DYNC1I1: variants seen among roughly 807,000 people sequenced by gnomAD.
DYNC1I1 encodes cytoplasmic dynein 1 intermediate chain 1.
Under a neutral mutation model 86.6 loss-of-function variants are expected in DYNC1I1, and 43 were observed. The observed-to-expected ratio is 0.50, with a 90% CI of 0.39 to 0.64. DYNC1I1 has a LOEUF of 0.64. Among genes scored for constraint, DYNC1I1 ranks in the 30% least tolerant of loss-of-function variants. The pLI is 0.00. For synonymous variants in DYNC1I1, 262 were observed against 283.7 expected, an observed-to-expected ratio of 0.92 and a Z score of 0.77; for missense variants, 604 against 788.8, an observed-to-expected ratio of 0.77 and a Z score of 2.81.
chr7:95,804,875 G>A (rs1429568267), intron 2 of DYNC1I1, 38 bp downstream of exon 2: 1 of 1,533,968 alleles, frequency 6.5e-7, no homozygotes, highest in Non-Finnish European at 8.8e-7. Flanking sequence ...GGGGAAAAAG[G>A]AAAATCACTT....
intron 6 of DYNC1I1, among the ~76,000 whole-genome samples, chr7:95,923,263 A>G (rs979510303): frequency 7.9e-5 from 12 of 152,128 alleles, no homozygotes; most frequent in Non-Finnish European, 1.6e-4. Context: ...TTTGACCAGG[A>G]TAAGGTAGGA....
chr7:95,809,110 G>T (rs1794769650), intron 2 of DYNC1I1, among the ~76,000 whole-genome samples: 1 of 152,092 alleles, frequency 6.6e-6, no homozygotes, highest in Admixed American at 6.6e-5. Context: ...CTTTCAAATG[G>T]TAGTTTTCCC....
intron 6 of DYNC1I1, among the ~76,000 whole-genome samples, chr7:95,919,343 T>G (rs2116370996): frequency 6.6e-6 from 1 of 152,336 alleles, no homozygotes; most frequent in East Asian, 1.9e-4. Flanking sequence ...GCTAGAAATA[T>G]GCTATGCTAA....
chr7:95,963,735 T>C (rs2116516721), intron 6 of DYNC1I1, among the ~76,000 whole-genome samples: 1 of 152,326 alleles, frequency 6.6e-6, no homozygotes, highest in African/African-American at 2.4e-5. Flanking sequence ...GGTGAAATGC[T>C]GCTCAGTTTA....
intron 2 of DYNC1I1, among the ~76,000 whole-genome samples, chr7:95,809,062 G>C (rs1794767842): frequency 6.6e-6 from 1 of 152,160 alleles, no homozygotes; most frequent in South Asian, 2.1e-4. Flanking sequence ...GGGTTATGCA[G>C]AGTGTCTGAC....
chr7:95,932,338 A>G (rs912698089), intron 6 of DYNC1I1, among the ~76,000 whole-genome samples: 4 of 152,202 alleles, frequency 2.6e-5, no homozygotes, highest in Non-Finnish European at 1.5e-5. Context: ...AATTAATGTG[A>G]TAATCATGGC....
intron 6 of DYNC1I1, among the ~76,000 whole-genome samples, chr7:95,911,493 G>C (rs970352579): frequency 2.0e-5 from 3 of 152,166 alleles, no homozygotes; most frequent in Non-Finnish European, 4.4e-5. Flanking sequence ...AGCAAGGAGG[G>C]AAGGAACAAT....
intron 6 of DYNC1I1, among the ~76,000 whole-genome samples, chr7:95,972,105 C>A (rs918791694): frequency 2.0e-5 from 3 of 152,102 alleles, no homozygotes; most frequent in Admixed American, 1.3e-4. Context: ...CAGAGGGTCG[C>A]CTTGTGTCGT....
chr7:95,948,827 G>A (rs893032986), intron 6 of DYNC1I1, among the ~76,000 whole-genome samples: 2 of 152,140 alleles, frequency 1.3e-5, no homozygotes, highest in Non-Finnish European at 2.9e-5. Context: ...AGTGCTGAGG[G>A]GAAATTTTGT....
intron 16 of DYNC1I1, among the ~76,000 whole-genome samples, chr7:96,084,353 T>C (rs1422452921): frequency 6.7e-6 from 1 of 149,966 alleles, no homozygotes; most frequent in Non-Finnish European, 1.5e-5. Flanking sequence ...CCTAGATCAT[T>C]AGGAAGAAAG....
intron 10 of DYNC1I1, among the ~76,000 whole-genome samples, chr7:95,999,584 C>G (rs377308565): frequency 2.0e-5 from 3 of 152,172 alleles, no homozygotes; most frequent in African/African-American, 7.2e-5. Context: ...TTGCTGCACA[C>G]GGCCTCAGCT....
At chr7:95,973,175 TA>T (rs1165753062) in intron 6 of DYNC1I1, among the ~76,000 whole-genome samples, 1 of 152,208 alleles carries the variant, frequency 6.6e-6, no homozygotes, top group Admixed American at 6.5e-5. Flanking sequence ...TCTTTAAAGT[TA>T]TTTAACTGTT....
chr7:95,875,500 G>A (rs3847049), intron 6 of DYNC1I1, among the ~76,000 whole-genome samples: 23,909 of 152,018 alleles, frequency 0.16, 1,928 homozygotes, highest in Admixed American at 0.21. Flanking sequence ...CTTTTAAACC[G>A]TCCCTGTTAG....
At chr7:95,937,223 A>T (rs74358452) in intron 6 of DYNC1I1, among the ~76,000 whole-genome samples, 4,930 of 152,084 alleles carry the variant, frequency 0.032, 217 homozygotes, top group African/African-American at 0.097. Flanking sequence ...CGTAGGGTGG[A>T]TTAGTTCTAG....
chr7:95,961,707 T>G (rs1175588511), intron 6 of DYNC1I1, among the ~76,000 whole-genome samples: 1 of 152,228 alleles, frequency 6.6e-6, no homozygotes, highest in East Asian at 1.9e-4. Flanking sequence ...CTGGTTCTGT[T>G]TCCTTTCTCC....
chr7:96,015,742 C>T (rs1490029397), intron 10 of DYNC1I1, among the ~76,000 whole-genome samples: 1 of 152,088 alleles, frequency 6.6e-6, no homozygotes, highest in African/African-American at 2.4e-5. Flanking sequence ...CAGCCATTCT[C>T]AGTCTATGGG....
intron 5 of DYNC1I1, among the ~76,000 whole-genome samples, chr7:95,850,337 T>A (rs1324838178): frequency 6.6e-6 from 1 of 152,184 alleles, no homozygotes; most frequent in Non-Finnish European, 1.5e-5. Flanking sequence ...ATGTTTGCTG[T>A]GGGTTTGTCA....
At chr7:95,952,688 C>T (rs1319717478) in intron 6 of DYNC1I1, among the ~76,000 whole-genome samples, 1 of 152,130 alleles carries the variant, frequency 6.6e-6, no homozygotes. Context: ...CAGGCAAAAA[C>T]CTTTTTGTTT....
At chr7:95,973,523 T>A (rs982897487) in intron 6 of DYNC1I1, among the ~76,000 whole-genome samples, 4 of 122,258 alleles carry the variant, frequency 3.3e-5, no homozygotes, top group Non-Finnish European at 7.1e-5. Flanking sequence ...AATACATATT[T>A]GTTGTGAGTG....
Sources: allele counts gnomAD v4.1 joint callset (sites outside exome capture counted in the v4.1 genomes callset), GRCh38; gene constraint gnomAD v4.1.1; transcripts MANE v1.5; gene names NCBI Gene and HGNC (gene_info 2026-07-23, HGNC 2026-07-21).